Variants in ACACB observed in about 807,000 individuals in gnomAD.
ACACB encodes acetyl-CoA carboxylase 2.
ACACB carries 209 observed loss-of-function variants against 278.8 expected under a neutral mutation model. That is an observed-to-expected ratio of 0.75 (90% CI 0.67 to 0.84). The LOEUF is 0.84. ACACB is among the 40% of genes least tolerant of loss of function. ACACB has a pLI of 0.00. For missense variants in ACACB, 2,850 were observed against 3,269.0 expected (o/e 0.87, Z 3.13); for synonymous variants, 1,174 against 1,285.6 (o/e 0.91, Z 1.86).
chr12:109,169,142 C>CAAAAAA (rs34104231), intron 4 of ACACB, among the ~76,000 whole-genome samples: 36 of 105,776 alleles, frequency 3.4e-4, no homozygotes, highest in African/African-American at 1.0e-3. Context: ...GAGACTGTCT[C>CAAAAAA]AAAAAAAAAA....
At chr12:109,263,796 T>C (rs1347891449) in intron 49 of ACACB, 1 of 154,122 alleles carries the variant, frequency 6.5e-6, no homozygotes, top group African/African-American at 2.4e-5. Context: ...TCATCTTAAG[T>C]TGTCAATTTG....
intron 27 of ACACB, among the ~76,000 whole-genome samples, chr12:109,226,699 C>CAAAAAAA (rs531983826): frequency 1.2e-4 from 9 of 74,204 alleles, no homozygotes; most frequent in Admixed American, 1.7e-4. Context: ...AACTCCATCT[C>CAAAAAAA]AAAAAAAAAA....
chr12:109,265,427 G>A lies in ACACB; in HGVS notation c.7152G>A (p.Trp2384Ter), dbSNP rs1270275506. The A allele has an allele frequency of 1.2e-6, 2 of 1,613,516 alleles. No homozygotes were observed. The highest frequency in any genetic ancestry group is 8.5e-7 in the Non-Finnish European group (1 of 1,179,888). ...ACAACAACCAGGTGGTTGTGCAGTG[G>A]CTGGAACAGCACTGGCAGGCAGGGG... The part of the protein sequence containing the change: ...LWDNNQVVVQ[W>*]LEQHWQAGDG... The change falls in exon 52 of 53, where the codon TGG becomes TGA. Residue 2384 changes from tryptophan to a stop codon, truncating the protein, a stop_gained. Transcript: ENST00000338432. LOFTEE classifies it high-confidence loss of function.
chr12:109,114,959 G>T (rs996601649), upstream of ACACB, among the ~76,000 whole-genome samples: 2 of 152,328 alleles, frequency 1.3e-5, no homozygotes, highest in Admixed American at 1.3e-4. Context: ...TCTTGTGTTT[G>T]ATGGAAAGAG....
At chr12:109,153,723 C>T (rs1432980009) in intron 2 of ACACB, among the ~76,000 whole-genome samples, 2 of 152,122 alleles carry the variant, frequency 1.3e-5, no homozygotes, top group East Asian at 1.9e-4. Context: ...AATGCAGTAC[C>T]GCCATCTGGG....
intron 1 of ACACB, among the ~76,000 whole-genome samples, chr12:109,137,435 G>A (rs999375543): frequency 7.2e-5 from 11 of 152,020 alleles, no homozygotes; most frequent in South Asian, 2.1e-4. Context: ...AGAGGTGGGC[G>A]GATCACTTGA....
chr12:109,116,726 C>T (rs76714272), intron 1 of ACACB, 22 bp downstream of exon 1: 26,391 of 151,882 alleles, frequency 0.17, 2,387 homozygotes, highest in African/African-American at 0.21. Flanking sequence ...CGCCCCTCCC[C>T]GGGGTCCGGA....
chr12:109,235,552 T>C, intron 32 of ACACB, 54 bp from the exon 33 acceptor site: 1 of 1,531,880 alleles, frequency 6.5e-7, no homozygotes, highest in Non-Finnish European at 9.0e-7. Context: ...GATGTACATA[T>C]TTCAGTGCGT....
intron 27 of ACACB, among the ~76,000 whole-genome samples, chr12:109,225,222 C>A (rs1593628661): frequency 6.6e-6 from 1 of 152,146 alleles, no homozygotes; most frequent in African/African-American, 2.4e-5. Context: ...TGAACTGCTA[C>A]GCTCAAGCGA....
At position 109,179,867 on chromosome 12, in the gene ACACB, C is replaced by T. The variant is rs148134056; in HGVS notation, c.1648-50C>T. 1,899 of 1,561,720 alleles carry T rather than the reference C, an allele frequency of 1.2e-3. 1 individual carries two copies. Among genetic ancestry groups the T allele is most frequent in the Non-Finnish European group, 1.5e-3 (1,770 of 1,146,002 alleles). On this transcript the variant is annotated intron_variant, in intron 10 of 52. Transcript: ENST00000338432. Reference sequence around the variant, plus strand: ...GAACTGATAGTCACCATTTACAGTTCCCTGAAAAGACCTCTGGAACCCCCT... The same window carrying T: ...GAACTGATAGTCACCATTTACAGTTTCCTGAAAAGACCTCTGGAACCCCCT...
intron 2 of ACACB, among the ~76,000 whole-genome samples, chr12:109,149,511 G>A (rs1244503265): frequency 6.6e-6 from 1 of 152,158 alleles, no homozygotes; most frequent in Non-Finnish European, 1.5e-5. Context: ...TTGAGCCCAG[G>A]AGTTTGAGGC....
chr12:109,252,159 G>T lies in ACACB; in HGVS notation c.5901+3G>T. 3 of 1,602,262 alleles carry T rather than the reference G, an allele frequency of 1.9e-6. No homozygotes were observed. The highest frequency in any genetic ancestry group is 1.1e-5 in the South Asian group (1 of 89,058). ...CAGGAGCAAGTGCTCTCAACAAGGT[G>T]ACCAAAAAGGGGCCTGTGCAGAGTG... On this transcript the variant is annotated splice_donor_region_variant and intron_variant, in intron 42 of 52. Coordinates refer to ENST00000338432, the MANE Select transcript of ACACB (RefSeq NM_001093.4).
chr12:109,123,618 G>A (rs1452654820), intron 1 of ACACB, among the ~76,000 whole-genome samples: 1 of 151,284 alleles, frequency 6.6e-6, no homozygotes, highest in East Asian at 2.0e-4. Context: ...TTTTGAACCT[G>A]GGAGGCAGAG....
chr12:109,139,439 T>G lies in ACACB; in HGVS notation c.34T>G (p.Phe12Val). The change falls in exon 2 of 53, where the codon TTC (phenylalanine) becomes GTC (valine). Residue 12 changes from phenylalanine (F) to valine (V), a missense_variant. Physicochemically the swap from Phe to Val is conservative, Grantham distance 50. Coordinates refer to ENST00000338432, the MANE Select transcript of ACACB (RefSeq NM_001093.4). ...GCTTCTTTGTCTATCTTGTCTGATT[T>G]TCTCCTGTCTGACCTTTTCCTGGTT... ...VLLLCLSCLIFSCLTFSWLKI... is the reference protein window; with the variant it reads ...VLLLCLSCLIVSCLTFSWLKI... 1 of 1,614,094 alleles carries G rather than the reference T, an allele frequency of 6.2e-7. No individual in the cohort carries two copies. The highest frequency in any genetic ancestry group is 8.5e-7 in the Non-Finnish European group (1 of 1,179,998).
At chr12:109,225,319 G>T (rs1344450104) in intron 27 of ACACB, among the ~76,000 whole-genome samples, 6 of 152,130 alleles carry the variant, frequency 3.9e-5, no homozygotes, top group Non-Finnish European at 5.9e-5. Context: ...AGTGCTAAAT[G>T]CTGTTTGTGT....
At chr12:109,222,294 C>CGAGTGAGTGAGT (rs112567037) in intron 24 of ACACB, among the ~76,000 whole-genome samples, 13,216 of 150,938 alleles carry the variant, frequency 0.088, 723 homozygotes, top group African/African-American at 0.15. Context: ...AATGGGTGGC[C>CGAGTGAGTGAGT]GAGTGAGTGA....
intron 2 of ACACB, among the ~76,000 whole-genome samples, chr12:109,151,471 C>T (rs904797541): frequency 2.0e-5 from 3 of 151,760 alleles, no homozygotes; most frequent in African/African-American, 7.3e-5. Context: ...GTCCCCCCCA[C>T]CCCATATATT....
chr12:109,120,296 A>G (rs187899748), intron 1 of ACACB, among the ~76,000 whole-genome samples: 1 of 152,310 alleles, frequency 6.6e-6, no homozygotes, highest in East Asian at 1.9e-4. Context: ...CAGAGCCTTT[A>G]CTATGCTAAA....
At chr12:109,259,326 G>A (rs768875624) in intron 47 of ACACB, among the ~76,000 whole-genome samples, 5 of 152,130 alleles carry the variant, frequency 3.3e-5, no homozygotes, top group Non-Finnish European at 5.9e-5. Context: ...TAATCCCGGT[G>A]CTTTGGGAGG....
Sources: allele counts gnomAD v4.1 joint callset (sites outside exome capture counted in the v4.1 genomes callset), GRCh38; gene constraint gnomAD v4.1.1; transcripts MANE v1.5; gene names NCBI Gene and HGNC (gene_info 2026-07-23, HGNC 2026-07-21).